Variants in RGS6 observed in about 807,000 individuals in gnomAD.
The protein encoded by RGS6 is regulator of G-protein signaling 6.
Under a neutral mutation model 78.5 loss-of-function variants are expected in RGS6, and 30 were observed. The observed-to-expected ratio is 0.38, with a 90% CI of 0.29 to 0.52. The LOEUF is 0.52. Among genes scored for constraint, RGS6 ranks in the 20% least tolerant of loss-of-function variants. The pLI is 0.85. For missense variants in RGS6, 495 were observed against 609.7 expected, an observed-to-expected ratio of 0.81 and a Z score of 1.98; for synonymous variants, 206 against 206.0, an observed-to-expected ratio of 1.00 and a Z score of 0.00.
chr14:72,451,217 C>T (rs1315884643), intron 3 of RGS6, among the ~76,000 whole-genome samples: 1 of 152,182 alleles, frequency 6.6e-6, no homozygotes, highest in Non-Finnish European at 1.5e-5. Context: ...GACCTGAGGA[C>T]TGTTGCATCA....
At chr14:72,120,793 G>C (rs1330383786) in intron 2 of RGS6, among the ~76,000 whole-genome samples, 1 of 152,202 alleles carries the variant, frequency 6.6e-6, no homozygotes, top group Non-Finnish European at 1.5e-5. Flanking sequence ...CTGGGTGGCA[G>C]GGAGGAGAAC....
chr14:72,543,974 G>A (rs1381059797), intron 17 of RGS6, among the ~76,000 whole-genome samples: 3 of 152,112 alleles, frequency 2.0e-5, no homozygotes, highest in Non-Finnish European at 4.4e-5. Context: ...GACCTCAAGT[G>A]ATCCACCTGC....
chr14:71,886,395 A>T, the RGS6 span, among the ~76,000 whole-genome samples: 1 of 152,196 alleles, frequency 6.6e-6, no homozygotes, highest in Non-Finnish European at 1.5e-5. Context: ...ACAGTAGGCA[A>T]TCAATTAATA....
chr14:71,936,447 C>T (rs1250361080), intron 1 of RGS6, among the ~76,000 whole-genome samples: 4 of 152,138 alleles, frequency 2.6e-5, no homozygotes, highest in East Asian at 1.9e-4. Flanking sequence ...AACACCCACA[C>T]GGACACACCC....
At position 72,397,274 on chromosome 14, in the gene RGS6, A is replaced by C. The variant is rs561101046; in HGVS notation, c.184+45080A>C. ...TGGAGAGGTCCTTCACATCCCTTGT[A>C]AGTTGGATTCCTAGGTATTTTATTC... On this transcript the variant is annotated intron_variant, in intron 3 of 17. Coordinates refer to ENST00000553525, the MANE Select transcript of RGS6 (RefSeq NM_001204424.2). Among the ~76,000 whole-genome samples the C allele has an allele frequency of 9.9e-5, 15 of 152,166 alleles. No individual in the cohort carries two copies. The South Asian group carries it at 1.9e-3, about 19-fold the overall frequency.
At chr14:72,367,365 G>A (rs2082641050) in intron 3 of RGS6, among the ~76,000 whole-genome samples, 1 of 152,112 alleles carries the variant, frequency 6.6e-6, no homozygotes, top group African/African-American at 2.4e-5. Flanking sequence ...CCTACAGAGT[G>A]CTCTCTAGCC....
intron 2 of RGS6, among the ~76,000 whole-genome samples, chr14:72,271,040 A>T (rs774071783): frequency 2.6e-5 from 4 of 152,178 alleles, no homozygotes; most frequent in African/African-American, 4.8e-5. Flanking sequence ...TTTTGTTCAG[A>T]TTATTACAGT....
intron 2 of RGS6, among the ~76,000 whole-genome samples, chr14:72,122,243 C>T (rs2096069205): frequency 6.6e-6 from 1 of 152,104 alleles, no homozygotes; most frequent in Non-Finnish European, 1.5e-5. Flanking sequence ...CTGACTGGGT[C>T]AGGTAGCCAC....
At chr14:72,338,508 A>G (rs933882428) in intron 2 of RGS6, among the ~76,000 whole-genome samples, 2 of 152,246 alleles carry the variant, frequency 1.3e-5, no homozygotes, top group Non-Finnish European at 2.9e-5. Flanking sequence ...ATTAAGGGAG[A>G]TACACTTCAA....
intron 12 of RGS6, among the ~76,000 whole-genome samples, chr14:72,493,266 T>C (rs994871117): frequency 2.0e-5 from 3 of 152,112 alleles, no homozygotes; most frequent in African/African-American, 7.2e-5. Context: ...ATTCAACAAC[T>C]GGAAGAAACT....
chr14:72,059,349 G>A (rs1011983300), intron 2 of RGS6, among the ~76,000 whole-genome samples: 7 of 152,194 alleles, frequency 4.6e-5, no homozygotes, highest in Admixed American at 3.9e-4. Flanking sequence ...CAATTTGGAA[G>A]GGTTTAATAT....
chr14:72,506,822 G>T (rs2096806872), intron 13 of RGS6, among the ~76,000 whole-genome samples: 2 of 151,808 alleles, frequency 1.3e-5, no homozygotes, highest in Admixed American at 1.3e-4. Flanking sequence ...AATAGGGTGG[G>T]CCCCTAATCC....
intron 2 of RGS6, among the ~76,000 whole-genome samples, chr14:72,316,603 A>C (rs1341122395): frequency 6.6e-6 from 1 of 152,110 alleles, no homozygotes; most frequent in Non-Finnish European, 1.5e-5. Flanking sequence ...TCCATGGTGT[A>C]TATGTGCCAC....
At chr14:71,996,541 G>A (rs1429789063) in intron 2 of RGS6, among the ~76,000 whole-genome samples, 2 of 152,118 alleles carry the variant, frequency 1.3e-5, no homozygotes, top group African/African-American at 4.8e-5. Context: ...CTGAGGTTGG[G>A]ACTGGGGGCA....
intron 3 of RGS6, 75 bp from the exon 4 acceptor site, chr14:72,454,453 T>C: frequency 1.4e-6 from 2 of 1,435,060 alleles, no homozygotes; most frequent in Non-Finnish European, 9.8e-7. Flanking sequence ...AGGATTCTCT[T>C]AGGTAAACAT....
intron 3 of RGS6, among the ~76,000 whole-genome samples, chr14:72,392,386 A>G (rs1241334718): frequency 1.3e-5 from 2 of 152,050 alleles, no homozygotes; most frequent in Non-Finnish European, 2.9e-5. Flanking sequence ...AGGCACACAC[A>G]GAACCCATGA....
chr14:72,281,456 A>G (rs2061572679), intron 2 of RGS6, among the ~76,000 whole-genome samples: 1 of 152,062 alleles, frequency 6.6e-6, no homozygotes, highest in African/African-American at 2.4e-5. Flanking sequence ...GCCTGAAACA[A>G]TTTTCTTAAG....
intron 3 of RGS6, among the ~76,000 whole-genome samples, chr14:72,414,308 A>C (rs2093645848): frequency 6.6e-6 from 1 of 152,004 alleles, no homozygotes; most frequent in Non-Finnish European, 1.5e-5. Flanking sequence ...GCTTCATTTC[A>C]TTCATTTCGT....
At chr14:72,559,524 G>A (rs568265106) in intron 17 of RGS6, among the ~76,000 whole-genome samples, 1 of 152,318 alleles carries the variant, frequency 6.6e-6, no homozygotes, top group South Asian at 2.1e-4. Context: ...CTCTCAAGCC[G>A]ACCTGAACCC....
Sources: allele counts gnomAD v4.1 joint callset (sites outside exome capture counted in the v4.1 genomes callset), GRCh38; gene constraint gnomAD v4.1.1; transcripts MANE v1.5; gene names NCBI Gene and HGNC (gene_info 2026-07-23, HGNC 2026-07-21).